Variants in RASGRP3 observed in about 807,000 individuals in gnomAD.
RASGRP3 encodes RAS guanyl releasing protein 3, also known as ras guanyl-releasing protein 3.
RASGRP3 carries 54 observed loss-of-function variants against 82.7 expected under a neutral mutation model. The observed-to-expected ratio is 0.65, with a 90% CI of 0.52 to 0.82. The LOEUF (loss-of-function observed/expected upper bound fraction) is 0.82. RASGRP3 is among the 40% of genes least tolerant of loss of function. The pLI is 0.00. For missense variants in RASGRP3, 861 were observed against 828.9 expected, an observed-to-expected ratio of 1.04 and a Z score of -0.48; for synonymous variants, 309 against 300.5, an observed-to-expected ratio of 1.03 and a Z score of -0.29.
intron 4 of RASGRP3, among the ~76,000 whole-genome samples, chr2:33,517,236 G>GT (rs1355915925): frequency 6.6e-6 from 1 of 152,240 alleles, no homozygotes; most frequent in African/African-American, 2.4e-5. Flanking sequence ...GCTTTTAGCA[G>GT]TCTACCAGTT....
At chr2:33,537,278 C>A (rs960594196) in intron 11 of RASGRP3, among the ~76,000 whole-genome samples, 2 of 144,780 alleles carry the variant, frequency 1.4e-5, no homozygotes, top group Admixed American at 1.5e-4. Flanking sequence ...CCAGCCTGGG[C>A]AACATAGTGA....
chr2:33,487,068 C>T (rs573127053), intron 1 of RASGRP3, among the ~76,000 whole-genome samples: 4 of 152,176 alleles, frequency 2.6e-5, no homozygotes, highest in South Asian at 2.1e-4. Flanking sequence ...ATATCCCTAC[C>T]GATGTTCTCC....
At chr2:33,456,395 T>C (rs1042069095) in intron 2 of RASGRP3, among the ~76,000 whole-genome samples, 6 of 152,234 alleles carry the variant, frequency 3.9e-5, no homozygotes, top group Non-Finnish European at 7.3e-5. Context: ...TCAAATTTTC[T>C]TTATTCCAAT....
chr2:33,525,883 C>T (rs1458764848), intron 9 of RASGRP3, among the ~76,000 whole-genome samples: 1 of 151,984 alleles, frequency 6.6e-6, no homozygotes, highest in Non-Finnish European at 1.5e-5. Context: ...AGAGACAGAG[C>T]AGGCACGGTC....
intron 14 of RASGRP3, among the ~76,000 whole-genome samples, chr2:33,551,484 C>A (rs1369405672): frequency 6.6e-6 from 1 of 151,984 alleles, no homozygotes; most frequent in Non-Finnish European, 1.5e-5. Context: ...ATGGCTCAGC[C>A]AAAAGTCAGG....
chr2:33,520,736 A>C (rs1209444978), intron 6 of RASGRP3, 52 bp downstream of exon 6: 2 of 1,599,008 alleles, frequency 1.3e-6, no homozygotes, highest in African/African-American at 1.3e-5. Flanking sequence ...CACTTAGGGG[A>C]GGAAGTAGTG....
upstream of RASGRP3, among the ~76,000 whole-genome samples, chr2:33,472,582 C>A (rs1023544701): frequency 6.6e-6 from 1 of 152,052 alleles, no homozygotes; most frequent in African/African-American, 2.4e-5. Context: ...AAGCCCAGAC[C>A]TGAGGATGAA....
chr2:33,439,819 C>T (rs1351730258), intron 1 of RASGRP3, among the ~76,000 whole-genome samples: 4 of 151,912 alleles, frequency 2.6e-5, no homozygotes, highest in Non-Finnish European at 1.5e-5. Flanking sequence ...TTTAAAGACA[C>T]CTGGGGCCGA....
chr2:33,463,562 C>T (rs1666498488), intron 2 of RASGRP3, among the ~76,000 whole-genome samples: 3 of 150,322 alleles, frequency 2.0e-5, no homozygotes, highest in South Asian at 4.2e-4. Flanking sequence ...CAGCAGCCCT[C>T]CTCTGGTAGA....
At chr2:33,540,763 CGTG>C (rs1261356912) in intron 12 of RASGRP3, among the ~76,000 whole-genome samples, 2 of 145,128 alleles carry the variant, frequency 1.4e-5, no homozygotes, top group Non-Finnish European at 3.1e-5. Context: ...ATCTTCTACT[CGTG>C]GTATAAATAT....
At chr2:33,480,132 T>C (rs1032296316) in intron 1 of RASGRP3, among the ~76,000 whole-genome samples, 5 of 141,734 alleles carry the variant, frequency 3.5e-5, no homozygotes, top group African/African-American at 5.3e-5. Context: ...AAGCTCCGCC[T>C]CCAGGATTCA....
Position 33,557,408 on chromosome 2 carries a change from G to A in RASGRP3, c.1580-803G>A, listed in dbSNP as rs548118064. 1.4e-3 allele frequency among the ~76,000 whole-genome samples: 208 copies of A among 152,170 alleles called. 1 individual carries two copies. Among genetic ancestry groups the A allele is most frequent in the Middle Eastern group, 3.4e-3 (1 of 294 alleles). ...CTGAAAGGTTTTGGAAAATGAAGAA[G>A]AGTAAAAAAATCCAGACAAGGCCGG... On this transcript the variant is annotated intron_variant, in intron 15 of 17. Coordinates refer to ENST00000403687, the MANE Select transcript of RASGRP3 (RefSeq NM_001139488.2).
At position 33,543,405 on chromosome 2, in the gene RASGRP3, A is replaced by G. The variant is rs531479055; in HGVS notation, c.1279-107A>G. 108 of 655,580 alleles carry G rather than the reference A, an allele frequency of 1.6e-4. No homozygotes were observed. In the South Asian group the frequency reaches 2.2e-3, roughly 13 times the overall value. 40.6% of individuals were successfully genotyped at this position (655,580 alleles called of 1,614,324 possible). A position where few individuals can be genotyped will look rare whatever the true frequency, so the allele number is the denominator to read the frequency against. The stretch of plus-strand genomic sequence containing the variant: ...ACTTAGTTATCTTTCACTAGATTCT[A>G]ACCTCCTTGATAGAAAGGATCATAT... On this transcript the variant is annotated intron_variant, in intron 12 of 17. Transcript: ENST00000403687.
intron 11 of RASGRP3, among the ~76,000 whole-genome samples, chr2:33,537,169 T>C (rs1483737237): frequency 1.3e-5 from 2 of 151,228 alleles, no homozygotes; most frequent in African/African-American, 4.9e-5. Flanking sequence ...ATTAGGGTTC[T>C]CTTAGAGGGA....
At chr2:33,536,460 T>C (rs920846694) in intron 11 of RASGRP3, among the ~76,000 whole-genome samples, 4 of 152,040 alleles carry the variant, frequency 2.6e-5, no homozygotes, top group African/African-American at 9.7e-5. Flanking sequence ...CCCAGTGATG[T>C]TTCTACCATC....
intron 2 of RASGRP3, among the ~76,000 whole-genome samples, chr2:33,457,613 A>G (rs1254408770): frequency 6.6e-6 from 1 of 151,818 alleles, no homozygotes; most frequent in African/African-American, 2.4e-5. Context: ...TTTTTATAAG[A>G]TAAAATCCTG....
At chr2:33,562,577 A>C (rs935973620) in intron 17 of RASGRP3, among the ~76,000 whole-genome samples, 152 bp from the exon 18 acceptor site, 1 of 152,072 alleles carries the variant, frequency 6.6e-6, no homozygotes, top group African/African-American at 2.4e-5. Flanking sequence ...AGCTACCTAC[A>C]TGATCTCCTA....
intron 12 of RASGRP3, 61 bp from the exon 13 acceptor site, chr2:33,543,451 C>A: frequency 1.9e-6 from 2 of 1,043,808 alleles, no homozygotes; most frequent in Non-Finnish European, 2.8e-6. Context: ...GTTGCTTTTG[C>A]AATAACAAGT....
intron 2 of RASGRP3, among the ~76,000 whole-genome samples, chr2:33,452,813 T>C (rs1665868883): frequency 6.6e-6 from 1 of 152,208 alleles, no homozygotes; most frequent in Non-Finnish European, 1.5e-5. Context: ...TGAATGGAGC[T>C]GCAGCCTGAT....
Sources: allele counts gnomAD v4.1 joint callset (sites outside exome capture counted in the v4.1 genomes callset), GRCh38; gene constraint gnomAD v4.1.1; transcripts MANE v1.5; gene names NCBI Gene and HGNC (gene_info 2026-07-23, HGNC 2026-07-21).